Variants in ELFN1 observed in about 807,000 individuals in gnomAD.
ELFN1 encodes extracellular leucine rich repeat and fibronectin type III domain containing 1.
In ELFN1, 6 loss-of-function variants were observed where a neutral mutation model predicts 7.6. That is an observed-to-expected ratio of 0.79 (90% CI 0.43 to 1.56). The LOEUF is 1.56. Among genes scored for constraint, ELFN1 ranks in the 40% most tolerant of loss-of-function variants. The pLI is 0.01. For missense variants in ELFN1, 1,169 were observed against 1,232.2 expected (o/e 0.95, Z 0.77); for synonymous variants, 657 against 588.1 (o/e 1.12, Z -1.70).
At chr7:1,706,794 T>C (rs893618643) in intron 2 of ELFN1, among the ~76,000 whole-genome samples, 1 of 152,302 alleles carries the variant, frequency 6.6e-6, no homozygotes, top group Admixed American at 6.5e-5. Context: ...GCACCCCACC[T>C]TGTGTCCAGC....
intron 1 of ELFN1, among the ~76,000 whole-genome samples, chr7:1,679,938 G>T (rs1252866182): frequency 6.6e-6 from 1 of 152,278 alleles, no homozygotes; most frequent in Non-Finnish European, 1.5e-5. Flanking sequence ...AGAGGGCAGG[G>T]ACAGAGATGG....
At chr7:1,697,019 C>G (rs1163691681) in intron 2 of ELFN1, among the ~76,000 whole-genome samples, 1 of 152,224 alleles carries the variant, frequency 6.6e-6, no homozygotes, top group Non-Finnish European at 1.5e-5. Context: ...GAGGAGGTGA[C>G]TCGCCCAGGC....
In ELFN1 at chr7:1,711,575, TGAGAGAGAGAGAGA is replaced by T. The variant is rs55658122; in HGVS notation, c.-294+2362_-294+2375del. Among the ~76,000 whole-genome samples, 377 of 87,580 alleles carry T rather than the reference TGAGAGAGAGAGAGA, an allele frequency of 4.3e-3. 1 individual carries two copies. The highest frequency in any genetic ancestry group is 6.9e-3 in the South Asian group (15 of 2,184). 57.5% of individuals were successfully genotyped at this position (87,580 alleles called of 152,430 possible). On this transcript the variant is annotated intron_variant, in intron 3 of 3. Coordinates refer to ENST00000424383, the MANE Select transcript of ELFN1 (RefSeq NM_001128636.4). ...AAACCTTGAAGAGAGAGCGAGAGAG[TGAGAGAGAGAGAGA>T]GAGAGAGAGAGAGAGAGAGAGAGAG... is the stretch of plus-strand genomic sequence containing the variant.
chr7:1,683,315 T>C (rs1356126815), intron 1 of ELFN1, among the ~76,000 whole-genome samples: 2 of 152,218 alleles, frequency 1.3e-5, no homozygotes, highest in African/African-American at 4.8e-5. Flanking sequence ...TTTTTTAACT[T>C]GTTATGTCTT....
chr7:1,671,843 G>A (rs900040991), intron 1 of ELFN1, among the ~76,000 whole-genome samples: 4 of 152,240 alleles, frequency 2.6e-5, no homozygotes, highest in Non-Finnish European at 5.9e-5. Flanking sequence ...CCAGGGGGCC[G>A]TGTGTGGGAG....
intron 3 of ELFN1, among the ~76,000 whole-genome samples, chr7:1,737,085 C>T (rs968977559): frequency 2.6e-5 from 4 of 152,160 alleles, no homozygotes; most frequent in African/African-American, 7.2e-5. Flanking sequence ...GGAGGGGCCT[C>T]CTGCCTTCAT....
At chr7:1,678,606 C>T (rs1431294194) in intron 1 of ELFN1, among the ~76,000 whole-genome samples, 1 of 152,226 alleles carries the variant, frequency 6.6e-6, no homozygotes, top group East Asian at 1.9e-4. Context: ...ACAGCCTCAG[C>T]ACCTCCCATG....
rs1208816989 is a variant in ELFN1, at chr7:1,745,137, A to G, written c.541A>G (p.Lys181Glu). The change falls in exon 4 of 4, where the codon AAG becomes GAG. Residue 181 changes from lysine (K) to glutamate (E), a missense_variant. By Grantham distance (56) the Lys-to-Glu change is moderately conservative. Transcript: ENST00000424383. The stretch of plus-strand genomic sequence containing the variant: ...CAGCGGCACCTTCGCCGGCCTGGCC[A>G]AGCTGTCGGTGTGCGAGCTCTACAG... The part of the protein sequence containing the change: ...LNSGTFAGLA[K>E]LSVCELYSNP... 1 of 1,550,670 alleles carries G rather than the reference A, an allele frequency of 6.4e-7. No homozygotes were observed. Among genetic ancestry groups the G allele is most frequent in the East Asian group, 2.4e-5 (1 of 40,920 alleles).
chr7:1,726,418 C>G (rs182399415), intron 3 of ELFN1, among the ~76,000 whole-genome samples: 1 of 152,238 alleles, frequency 6.6e-6, no homozygotes, highest in Non-Finnish European at 1.5e-5. Context: ...CAAATGTGCC[C>G]GCTCAGACAT....
intron 3 of ELFN1, among the ~76,000 whole-genome samples, chr7:1,736,401 A>G (rs1328665114): frequency 6.6e-6 from 1 of 152,152 alleles, no homozygotes; most frequent in Non-Finnish European, 1.5e-5. Flanking sequence ...GGTTTAAATG[A>G]TCGAGACGAG....
At chr7:1,736,876 T>C (rs924361752) in intron 3 of ELFN1, among the ~76,000 whole-genome samples, 10 of 151,814 alleles carry the variant, frequency 6.6e-5, no homozygotes, top group African/African-American at 1.9e-4. Context: ...CAGGAGAGGG[T>C]TCTCAGGGAG....
chr7:1,734,642 C>A (rs1562384395), intron 3 of ELFN1, among the ~76,000 whole-genome samples: 1 of 152,118 alleles, frequency 6.6e-6, no homozygotes, highest in Admixed American at 6.5e-5. Context: ...CCTGGGCTCC[C>A]ACTCCGGGGC....
intron 3 of ELFN1, among the ~76,000 whole-genome samples, chr7:1,711,915 G>C (rs1779668076): frequency 6.6e-6 from 1 of 152,242 alleles, no homozygotes; most frequent in Non-Finnish European, 1.5e-5. Flanking sequence ...CTGGCCTCCA[G>C]ACTGAGACCC....
In ELFN1 at chr7:1,695,743, G is replaced by A. The variant is rs1338768634; in HGVS notation, c.-456+7593G>A. On this transcript the variant is annotated intron_variant, in intron 2 of 3. Transcript: ENST00000424383. The surrounding 1 kb of genome is among the most constrained non-coding windows in gnomAD (Gnocchi z 5.1). Reference sequence around the variant, plus strand: ...AGCCTGGGTGACAGAGCGAGACTCCGTGTCAAAAAAAAAAAAAAAAAAAAA... The same window carrying A: ...AGCCTGGGTGACAGAGCGAGACTCCATGTCAAAAAAAAAAAAAAAAAAAAA... 2.0e-5 allele frequency among the ~76,000 whole-genome samples: 2 copies of A among 97,750 alleles called. No homozygotes were observed. Among genetic ancestry groups the A allele is most frequent in the Non-Finnish European group, 3.8e-5 (2 of 52,302 alleles). 64.1% of individuals were successfully genotyped at this position (97,750 alleles called of 152,430 possible). A position where few individuals can be genotyped will look rare whatever the true frequency, so the allele number is the denominator to read the frequency against.
At chr7:1,707,005 C>T (rs568292464) in intron 2 of ELFN1, among the ~76,000 whole-genome samples, 2 of 152,168 alleles carry the variant, frequency 1.3e-5, no homozygotes, top group Non-Finnish European at 2.9e-5. Context: ...TACACATGTG[C>T]AACACACGTA....
At chr7:1,718,208 G>A (rs979513280) in intron 3 of ELFN1, among the ~76,000 whole-genome samples, 5 of 152,214 alleles carry the variant, frequency 3.3e-5, no homozygotes, top group African/African-American at 9.7e-5. Flanking sequence ...CTCACGTCCC[G>A]TTGGCTAGAA....
Position 1,679,179 on chromosome 7 carries a change from G to GCACA in ELFN1, c.-549+8840_-549+8843dup, listed in dbSNP as rs368107431. 1.1e-3 allele frequency among the ~76,000 whole-genome samples: 163 copies of GCACA among 150,398 alleles called. 1 individual carries two copies. The highest frequency in any genetic ancestry group is 3.6e-3 in the African/African-American group (147 of 40,814). Reference sequence around the variant, plus strand: ...CACACGCGTGCACACACGTACGCGCGCACACACACACACACACAACTGCGC... The same window carrying GCACA: ...CACACGCGTGCACACACGTACGCGCGCACACACACACACACACACACAACTGCGC... On this transcript the variant is annotated intron_variant, in intron 1 of 3. Transcript: ENST00000424383.
rs1309854550 is a variant in ELFN1 at position 1,745,347 on chromosome 7, AC to A, written c.753del (p.Glu252ArgfsTer108). 6.5e-7 allele frequency: 1 copy of A among 1,539,774 alleles called. No homozygotes were observed. The highest frequency in any genetic ancestry group is 1.4e-5 in the African/African-American group (1 of 73,026). Reference protein sequence around the residue: ...SILSKLQSVCTEDSYAAEVVG... With the variant: ...SILSKLQSVCXEDSYAAEVVG... ...CCTCAGCAAACTGCAGTCAGTCTGC[AC>A]CGAGGACTCGTACGCGGCTGAGGTG... On this transcript the variant is annotated frameshift_variant, in exon 4 of 4. Transcript: ENST00000424383. LOFTEE classifies it low-confidence loss of function (END_TRUNC).
intron 1 of ELFN1, among the ~76,000 whole-genome samples, chr7:1,680,734 A>AC (rs1780255404): frequency 6.8e-6 from 1 of 147,548 alleles, no homozygotes; most frequent in African/African-American, 2.5e-5. Context: ...CTGTGGATTT[A>AC]CAATTTTTTT....
Sources: gnomAD v4.1 joint callset for allele counts (sites outside exome capture counted in the v4.1 genomes callset) on GRCh38, gnomAD v4.1.1 for gene constraint, Gnocchi (gnomAD v3.1) non-coding constraint, MANE v1.5 for transcripts, NCBI Gene and HGNC (gene_info 2026-07-23, HGNC 2026-07-21) for gene names.